RIMS1: variants seen among roughly 807,000 people sequenced by gnomAD.
The protein encoded by RIMS1 is regulating synaptic membrane exocytosis 1, also known as regulating synaptic membrane exocytosis protein 1.
RIMS1 carries 83 observed loss-of-function variants against 214.1 expected under a neutral mutation model. The observed-to-expected ratio is 0.39, with a 90% CI of 0.32 to 0.47. The LOEUF (loss-of-function observed/expected upper bound fraction) is 0.47. RIMS1 is among the 20% of genes least tolerant of loss of function. The pLI, the probability that RIMS1 is intolerant of heterozygous loss-of-function variation, is 0.99. For missense variants in RIMS1, 2,050 were observed against 2,161.8 expected, an observed-to-expected ratio of 0.95 and a Z score of 1.03; for synonymous variants, 793 against 786.8, an observed-to-expected ratio of 1.01 and a Z score of -0.13.
intron 4 of RIMS1, among the ~76,000 whole-genome samples, chr6:72,167,119 TG>T (rs1157428876): frequency 2.0e-5 from 3 of 151,976 alleles, no homozygotes; most frequent in African/African-American, 7.2e-5. Context: ...ATGTCTAGTT[TG>T]TTGAGCATTT....
Position 72,182,700 on chromosome 6 carries a change from G to A in RIMS1, c.1229G>A (p.Gly410Asp), listed in dbSNP as rs923848042. The A allele has an allele frequency of 6.6e-7, 1 of 1,506,894 alleles. No homozygotes were observed. The highest frequency in any genetic ancestry group is 8.8e-7 in the Non-Finnish European group (1 of 1,133,104). The allele number at this position is 1,506,894 out of a possible 1,614,324, so 93.3% of individuals were successfully genotyped here. ...GCGGCGCTGCCGGAGGGCAAGGCCG[G>A]CAAACGCGCGCCGGCGGCAGCCAGG... ...AGAALPEGKA[G>D]KRAPAAARAS... Residue 410 changes from glycine (G) to aspartate (D), a missense_variant, in exon 6 of 34, where the codon GGC (glycine) becomes GAC (aspartate). This residue lies in a region of RIMS1 where 882 missense variants were observed against 828.9 expected (regional missense o/e 1.06). Coordinates refer to ENST00000521978, the MANE Select transcript of RIMS1 (RefSeq NM_014989.7).
At chr6:72,243,598 A>G (rs2067983475) in intron 10 of RIMS1, among the ~76,000 whole-genome samples, 1 of 151,828 alleles carries the variant, frequency 6.6e-6, no homozygotes. Flanking sequence ...TATGAAAGCT[A>G]AAGTTTAGAA....
chr6:72,050,844 G>A (rs909523168), intron 2 of RIMS1, among the ~76,000 whole-genome samples: 1 of 152,182 alleles, frequency 6.6e-6, no homozygotes, highest in Non-Finnish European at 1.5e-5. Context: ...ATCCAGGAAT[G>A]ACTCTATTTT....
intron 28 of RIMS1, among the ~76,000 whole-genome samples, chr6:72,327,750 C>T (rs2096528535): frequency 6.6e-6 from 1 of 151,766 alleles, no homozygotes; most frequent in Admixed American, 6.6e-5. Flanking sequence ...CATAAACCTG[C>T]TGTTAAGCCA....
At chr6:71,992,558 CTCTTCT>C (rs200069474) in intron 2 of RIMS1, among the ~76,000 whole-genome samples, 8 of 146,110 alleles carry the variant, frequency 5.5e-5, no homozygotes, top group East Asian at 2.0e-4. Flanking sequence ...CTCCTTCTTC[CTCTTCT>C]TCTTCTTCTT....
In RIMS1 at chr6:72,400,711, A is replaced by G. The variant is rs61736795; in HGVS notation, c.5076A>G (p.Ser1692=). ...ESSTGPPCIR[S] is the part of the protein sequence containing the mutation. The stretch of plus-strand genomic sequence containing the variant: ...CAACTGGGCCTCCCTGTATTCGATC[A>G]TAGTGAACTCATACCAGAGTCATTC... The change falls in exon 34 of 34, where the codon TCA becomes TCG. Residue 1692 remains serine, a synonymous_variant. Coordinates refer to ENST00000521978, the MANE Select transcript of RIMS1 (RefSeq NM_014989.7). The G allele has an allele frequency of 1.1e-3, 1,723 of 1,607,328 alleles. 9 individuals are homozygous for G. The African/African-American group carries it at 0.013, about 13-fold the overall frequency.
rs1309378321 is a variant in RIMS1 at position 72,265,986 on chromosome 6, C to T, written c.3335C>T (p.Ala1112Val). 14 of 1,581,044 alleles carry T rather than the reference C, an allele frequency of 8.9e-6. No individual in the cohort carries two copies. Among genetic ancestry groups the T allele is most frequent in the Non-Finnish European group, 1.2e-5 (14 of 1,162,148 alleles). ...GAACTGCAGCCCTTTCTTGACAGGGCTAGGAGTGCTAGTACCAACTGCTTG... is the reference window on the plus strand; with the variant it reads ...GAACTGCAGCCCTTTCTTGACAGGGTTAGGAGTGCTAGTACCAACTGCTTG... ...VSELQPFLDR[A>V]RSASTNCLRP... The change falls in exon 22 of 34, where the codon GCT becomes GTT. Residue 1112 changes from alanine to valine, a missense_variant. Ala to Val is a moderately conservative substitution (Grantham distance 64). Transcript: ENST00000521978.
chr6:72,390,057 T>G (rs1288100931), intron 29 of RIMS1, among the ~76,000 whole-genome samples: 1 of 152,144 alleles, frequency 6.6e-6, no homozygotes, highest in Non-Finnish European at 1.5e-5. Flanking sequence ...GTATAAATAT[T>G]ATATAGTGTA....
At chr6:72,178,351 T>C (rs72940767) in intron 4 of RIMS1, among the ~76,000 whole-genome samples, 7,866 of 152,306 alleles carry the variant, frequency 0.052, 286 homozygotes, top group Middle Eastern at 0.099. Flanking sequence ...GTTACAGTTT[T>C]TCCCCATTTA....
chr6:72,172,381 A>G (rs2047153208), intron 4 of RIMS1, among the ~76,000 whole-genome samples: 1 of 152,184 alleles, frequency 6.6e-6, no homozygotes, highest in African/African-American at 2.4e-5. Context: ...AATAAAGAGC[A>G]AAAGTCTTTT....
chr6:72,006,201 T>A (rs574332315), intron 2 of RIMS1, among the ~76,000 whole-genome samples: 1 of 152,172 alleles, frequency 6.6e-6, no homozygotes, highest in Non-Finnish European at 1.5e-5. Context: ...TCCCAGGGGA[T>A]CCACCTCATA....
intron 6 of RIMS1, among the ~76,000 whole-genome samples, chr6:72,199,346 C>T (rs2051522742): frequency 6.6e-6 from 1 of 152,236 alleles, no homozygotes; most frequent in African/African-American, 2.4e-5. Context: ...ACATTTTTCT[C>T]TGAGTGCCTG....
chr6:71,961,862 C>A (rs1482567), intron 1 of RIMS1, among the ~76,000 whole-genome samples: 1 of 151,944 alleles, frequency 6.6e-6, no homozygotes, highest in Non-Finnish European at 1.5e-5. Flanking sequence ...AGGCAGCACA[C>A]GGTTTTTGGA....
At chr6:72,215,161 T>A (rs1349348892) in intron 6 of RIMS1, among the ~76,000 whole-genome samples, 3 of 152,184 alleles carry the variant, frequency 2.0e-5, no homozygotes, top group Non-Finnish European at 4.4e-5. Context: ...GACCAGCAGA[T>A]CTATCTCTAG....
At chr6:72,211,686 A>G (rs1162513374) in intron 6 of RIMS1, among the ~76,000 whole-genome samples, 1 of 152,124 alleles carries the variant, frequency 6.6e-6, no homozygotes, top group African/African-American at 2.4e-5. Context: ...AAGTCAGATT[A>G]ATTTTGCATA....
chr6:72,228,918 A>G (rs1462657481), intron 6 of RIMS1, among the ~76,000 whole-genome samples: 7 of 151,730 alleles, frequency 4.6e-5, no homozygotes, highest in Non-Finnish European at 7.4e-5. Context: ...ATTTATGTTG[A>G]GTATCTTTGG....
intron 28 of RIMS1, among the ~76,000 whole-genome samples, chr6:72,332,977 A>G (rs1052502856): frequency 4.0e-5 from 6 of 151,820 alleles, no homozygotes; most frequent in African/African-American, 1.5e-4. Flanking sequence ...TGAGATGAAG[A>G]AGTTTGTGTG....
chr6:71,961,888 A>G (rs1793052483), intron 1 of RIMS1, among the ~76,000 whole-genome samples: 1 of 152,200 alleles, frequency 6.6e-6, no homozygotes, highest in African/African-American at 2.4e-5. Flanking sequence ...AATGCAGGTT[A>G]GTAAGTAGAA....
intron 4 of RIMS1, among the ~76,000 whole-genome samples, chr6:72,149,417 G>A (rs2153898045): frequency 6.6e-6 from 1 of 152,236 alleles, no homozygotes; most frequent in Non-Finnish European, 1.5e-5. Flanking sequence ...ACAATGAGGT[G>A]TTGCCTTGGC....
Sources: gnomAD v4.1 joint callset for allele counts (sites outside exome capture counted in the v4.1 genomes callset) on GRCh38, gnomAD v4.1.1 for gene constraint, gnomAD v4.1.1 regional missense constraint, MANE v1.5 for transcripts, NCBI Gene and HGNC (gene_info 2026-07-23, HGNC 2026-07-21) for gene names.